The following MCM9 variants were observed in gnomAD, a reference collection of about 807,000 sequenced individuals.
MCM9 encodes the protein minichromosome maintenance 9 homologous recombination repair factor, also known as DNA helicase MCM9.
In MCM9, 55 loss-of-function variants were observed where a neutral mutation model predicts 72.8. The ratio of observed to expected loss-of-function variants is 0.76; its 90% CI spans 0.61 to 0.95. MCM9 has a LOEUF of 0.95. Ranked by LOEUF, MCM9 falls within the 40% of genes least tolerant of loss-of-function variation. The pLI is 0.00. For synonymous variants in MCM9, 480 were observed against 503.4 expected (o/e 0.95, Z 0.62); for missense variants, 1,279 against 1,377.0 (o/e 0.93, Z 1.13).
Position 118,814,098 on chromosome 6 carries a change from T to G in MCM9, c.*726A>C, listed in dbSNP as rs1377426239. The G allele has an allele frequency of 2.0e-5, 3 of 152,114 alleles. No homozygotes were observed. The highest frequency in any genetic ancestry group is 7.2e-5 in the African/African-American group (3 of 41,414). 9.4% of individuals were successfully genotyped at this position (152,114 alleles called of 1,614,324 possible). ...CTTCTAATCACAGTATTTTACTTGG[T>G]TGAAGGTAGGCCCCCAAGAGAAAAA... On this transcript the variant is annotated 3_prime_UTR_variant, in exon 14 of 14. Coordinates refer to ENST00000619706, the MANE Select transcript of MCM9 (RefSeq NM_017696.3).
chr6:118,820,940 G>A (rs1424945018), intron 13 of MCM9, among the ~76,000 whole-genome samples: 1 of 152,054 alleles, frequency 6.6e-6, no homozygotes, highest in East Asian at 1.9e-4. Flanking sequence ...GACTAGGATT[G>A]CAACCCCTGC....
chr6:118,829,294 T>A, intron 9 of MCM9, 44 bp from the exon 10 acceptor site: 1 of 1,499,406 alleles, frequency 6.7e-7, no homozygotes, highest in Non-Finnish European at 9.0e-7. Context: ...GAGGTTCAGA[T>A]AAAATGCAAG....
intron 4 of MCM9, among the ~76,000 whole-genome samples, chr6:118,923,239 C>T (rs1488473488): frequency 1.3e-5 from 2 of 151,284 alleles, no homozygotes; most frequent in African/African-American, 4.9e-5. Flanking sequence ...TTTAGCACAG[C>T]AAATAAGAGT....
rs1360105614 is a variant in MCM9 at position 118,816,098 on chromosome 6, G to C, written c.2158C>G (p.Leu720Val). Residue 720 changes from leucine to valine, a missense_variant, in exon 14 of 14, where the codon CTG becomes GTG. Leu to Val is a conservative substitution (Grantham distance 32). Transcript: ENST00000619706. ...GSPVLDPPPH[L>V]EPNRSTSRKH... Reference sequence around the variant, plus strand: ...CTACTTGTTGATCTATTAGGCTCCAGATGCGGTGGGGGATCTAGAACTGGG... The same window carrying C: ...CTACTTGTTGATCTATTAGGCTCCACATGCGGTGGGGGATCTAGAACTGGG... 39 of 1,550,238 alleles carry C rather than the reference G, an allele frequency of 2.5e-5. No individual in the cohort carries two copies. Among genetic ancestry groups the C allele is most frequent in the Non-Finnish European group, 3.2e-5 (37 of 1,146,838 alleles).
In MCM9 at chr6:118,910,750, C is replaced by T. The variant is rs564346958; in HGVS notation, c.1150+900G>A. The T allele has an allele frequency of 7.3e-5, 72 of 985,400 alleles. No homozygotes were observed. In the African/African-American group the frequency reaches 1.2e-3, roughly 16 times the overall value. 61.0% of individuals were successfully genotyped at this position (985,400 alleles called of 1,614,324 possible). On this transcript the variant is annotated intron_variant, in intron 8 of 13. Transcript: ENST00000619706. ...TCTACCCTTCTCAATTCCAAAAATC[C>T]ATTCTTGTCAATGGTTAATATACTG...
intron 1 of MCM9, among the ~76,000 whole-genome samples, chr6:118,933,689 C>T (rs1223830895): frequency 6.6e-5 from 10 of 152,114 alleles, no homozygotes; most frequent in African/African-American, 2.2e-4. Flanking sequence ...ACGTGTTATA[C>T]ACGCTATTTG....
rs1780559540 is a variant in MCM9, at chr6:118,911,667, A to G, written c.1133T>C (p.Ile378Thr). The G allele has an allele frequency of 6.2e-7, 1 of 1,611,956 alleles. No individual in the cohort carries two copies. The highest frequency in any genetic ancestry group is 8.5e-7 in the Non-Finnish European group (1 of 1,178,958). The change falls in exon 8 of 14, where the codon ATT becomes ACT. Residue 378 changes from isoleucine (I) to threonine (T), a missense_variant. Coordinates refer to ENST00000619706, the MANE Select transcript of MCM9 (RefSeq NM_017696.3). ...ITPRSVLTTG[I>T]GSTSAGLTVT... ...TACAATACCTGCACTAGTAGATCCA[A>G]TTCCTGTGGTCAGCACAGATCTTGG...
chr6:118,849,454 T>A (rs1776089702), intron 9 of MCM9, among the ~76,000 whole-genome samples: 1 of 151,496 alleles, frequency 6.6e-6, no homozygotes, highest in Non-Finnish European at 1.5e-5. Context: ...TGTGTGTGTG[T>A]ATAATATATA....
chr6:118,923,424 A>G (rs72966873), intron 4 of MCM9, among the ~76,000 whole-genome samples: 8,779 of 152,152 alleles, frequency 0.058, 362 homozygotes, highest in East Asian at 0.19. Context: ...AGCTGCGATT[A>G]TAAGCACAAG....
rs151336367 is a variant in MCM9, at chr6:118,833,509, G to C, written c.1326-4259C>G. ...TCTCAGCAGCACTACACACACAACAGCTGAGAGGCGGAGAAAATCCAGGCG... is the reference window on the plus strand; with the variant it reads ...TCTCAGCAGCACTACACACACAACACCTGAGAGGCGGAGAAAATCCAGGCG... On this transcript the variant is annotated intron_variant, in intron 9 of 13. Coordinates refer to ENST00000619706, the MANE Select transcript of MCM9 (RefSeq NM_017696.3). Among the ~76,000 whole-genome samples the C allele has an allele frequency of 7.5e-3, 1,148 of 152,294 alleles. 8 individuals are homozygous for C. The highest frequency in any genetic ancestry group is 0.029 in the South Asian group (139 of 4,826).
chr6:118,846,939 C>T (rs777213777), intron 9 of MCM9, among the ~76,000 whole-genome samples: 1 of 151,708 alleles, frequency 6.6e-6, no homozygotes, highest in Non-Finnish European at 1.5e-5. Context: ...CCCTCATCTC[C>T]CTACCCTGCC....
At chr6:118,850,166 T>A (rs933645419) in intron 9 of MCM9, among the ~76,000 whole-genome samples, 3 of 151,920 alleles carry the variant, frequency 2.0e-5, no homozygotes, top group African/African-American at 7.3e-5. Flanking sequence ...AAGAAAAGCA[T>A]TCAAACTACT....
chr6:118,915,234 T>A (rs1186822494), intron 6 of MCM9, among the ~76,000 whole-genome samples: 1 of 152,190 alleles, frequency 6.6e-6, no homozygotes, highest in Non-Finnish European at 1.5e-5. Context: ...GGCTATATCA[T>A]GGAAGAAAAT....
chr6:118,924,245 T>A (rs1236243923), intron 3 of MCM9, 118 bp from the exon 4 acceptor site: 6 of 912,884 alleles, frequency 6.6e-6, no homozygotes, highest in Non-Finnish European at 9.9e-6. Flanking sequence ...AAAAAAAGAT[T>A]GTGTTTTACT....
chr6:118,907,339 A>G (rs2114559194), intron 8 of MCM9: 1 of 1,173,862 alleles, frequency 8.5e-7, no homozygotes, highest in East Asian at 2.6e-5. Context: ...TTAAGCTTCT[A>G]TTTGTATATG....
intron 9 of MCM9, among the ~76,000 whole-genome samples, chr6:118,838,159 C>CTTTTT (rs759862698): frequency 3.3e-5 from 4 of 119,698 alleles, no homozygotes; most frequent in Non-Finnish European, 5.3e-5. Context: ...GTTGAAAATT[C>CTTTTT]TTTTTTTTTT....
At chr6:118,826,392 T>G (rs867883349) in intron 12 of MCM9, 100 bp from the exon 13 acceptor site, 3 of 1,243,466 alleles carry the variant, frequency 2.4e-6, no homozygotes, top group Middle Eastern at 2.8e-4. Context: ...AGACCGCCGT[T>G]TACACCCCTA....
intron 13 of MCM9, among the ~76,000 whole-genome samples, chr6:118,818,312 G>A (rs891928816): frequency 2.6e-5 from 4 of 152,188 alleles, no homozygotes; most frequent in Non-Finnish European, 5.9e-5. Flanking sequence ...TGTATAAGGT[G>A]TAAGGAGCAG....
At chr6:118,877,459 T>G (rs981062862) in intron 8 of MCM9, among the ~76,000 whole-genome samples, 3 of 152,068 alleles carry the variant, frequency 2.0e-5, no homozygotes, top group African/African-American at 7.2e-5. Flanking sequence ...ACCTCATAAA[T>G]AATAAGGAAA....
Sources: allele counts gnomAD v4.1 joint callset (sites outside exome capture counted in the v4.1 genomes callset), GRCh38; gene constraint gnomAD v4.1.1; transcripts MANE v1.5; gene names NCBI Gene and HGNC (gene_info 2026-07-23, HGNC 2026-07-21).